Variants in HDAC9 observed in about 807,000 individuals in gnomAD.
The protein encoded by HDAC9 is MEF-2 interacting transcription repressor (MITR) protein.
In HDAC9, 41 loss-of-function variants were observed where a neutral mutation model predicts 139.4. The ratio of observed to expected loss-of-function variants is 0.29; its 90% CI spans 0.23 to 0.38. The LOEUF (loss-of-function observed/expected upper bound fraction) is 0.38, where lower values mean the gene tolerates loss of function less well. Among genes scored for constraint, HDAC9 ranks in the 10% least tolerant of loss-of-function variants. The pLI is 1.00. For missense variants in HDAC9, 1,147 were observed against 1,297.0 expected, an observed-to-expected ratio of 0.88 and a Z score of 1.78; for synonymous variants, 517 against 476.2, an observed-to-expected ratio of 1.09 and a Z score of -1.12.
intron 1 of HDAC9, among the ~76,000 whole-genome samples, chr7:18,445,687 G>A (rs1180704619): frequency 2.0e-5 from 3 of 152,270 alleles, no homozygotes; most frequent in South Asian, 4.1e-4. Context: ...CAAATGCCCC[G>A]AGGCAGAGCT....
intron 16 of HDAC9, among the ~76,000 whole-genome samples, chr7:18,785,610 A>G (rs1286631386): frequency 6.6e-6 from 1 of 152,206 alleles, no homozygotes; most frequent in Non-Finnish European, 1.5e-5. Context: ...TAGGGTTTCA[A>G]TACCGTGAAA....
At chr7:18,732,949 G>GTGTGTA (rs1562893821) in intron 13 of HDAC9, among the ~76,000 whole-genome samples, 11 of 100,224 alleles carry the variant, frequency 1.1e-4, no homozygotes, top group African/African-American at 1.9e-4. Flanking sequence ...GTATACACAC[G>GTGTGTA]TGTATGTGTG....
intron 17 of HDAC9, among the ~76,000 whole-genome samples, chr7:18,806,443 C>T (rs887855303): frequency 2.6e-5 from 4 of 152,114 alleles, no homozygotes; most frequent in Admixed American, 6.5e-5. Flanking sequence ...CTGCCCTTAG[C>T]TCCTAGAGTA....
At chr7:18,716,128 C>G (rs1041838354) in intron 12 of HDAC9, among the ~76,000 whole-genome samples, 14 of 152,200 alleles carry the variant, frequency 9.2e-5, no homozygotes, top group African/African-American at 2.9e-4. Context: ...TCCCCTCCTT[C>G]TCTTCAGGCT....
intron 12 of HDAC9, among the ~76,000 whole-genome samples, chr7:18,721,317 T>C (rs1028206637): frequency 2.0e-5 from 3 of 152,196 alleles, no homozygotes; most frequent in African/African-American, 7.2e-5. Flanking sequence ...TTTTTTCATG[T>C]ATGTCTTTAC....
At chr7:18,790,732 ATTG>A (rs1362475153) in intron 16 of HDAC9, among the ~76,000 whole-genome samples, 1 of 152,210 alleles carries the variant, frequency 6.6e-6, no homozygotes, top group Non-Finnish European at 1.5e-5. Flanking sequence ...TGAGATAAAT[ATTG>A]TTTTTGTTTA....
chr7:18,732,717 G>GTA (rs1241073796), intron 13 of HDAC9, among the ~76,000 whole-genome samples: 5 of 124,138 alleles, frequency 4.0e-5, no homozygotes, highest in Admixed American at 1.5e-4. Flanking sequence ...GTGCGTATGT[G>GTA]TACACACACA....
chr7:18,503,818 A>G (rs1586403560), intron 2 of HDAC9, among the ~76,000 whole-genome samples: 1 of 152,164 alleles, frequency 6.6e-6, no homozygotes, highest in African/African-American at 2.4e-5. Context: ...TTATTGACCC[A>G]GTTGCAGCCA....
intron 21 of HDAC9, among the ~76,000 whole-genome samples, chr7:18,864,756 G>A (rs1798365897): frequency 6.6e-6 from 1 of 152,116 alleles, no homozygotes; most frequent in Non-Finnish European, 1.5e-5. Context: ...GGGGAAATGG[G>A]AAGTTATTGA....
intron 12 of HDAC9, among the ~76,000 whole-genome samples, chr7:18,706,872 G>A (rs941841857): frequency 6.6e-6 from 1 of 152,218 alleles, no homozygotes; most frequent in African/African-American, 2.4e-5. Context: ...TGCCTTGATA[G>A]AGTTAGGTCG....
At chr7:18,486,395 C>T (rs1264247578) in intron 1 of HDAC9, among the ~76,000 whole-genome samples, 1 of 152,106 alleles carries the variant, frequency 6.6e-6, no homozygotes. Flanking sequence ...GCCCTTCCTT[C>T]AAAAGGCTTA....
At chr7:18,416,122 G>C (rs10235215) in intron 1 of HDAC9, among the ~76,000 whole-genome samples, 16,506 of 151,894 alleles carry the variant, frequency 0.11, 1,468 homozygotes, top group African/African-American at 0.24. Flanking sequence ...CATGGTGAAA[G>C]CACATCTCTA....
intron 24 of HDAC9, 49 bp downstream of exon 24, chr7:18,954,279 A>G: frequency 1.8e-6 from 2 of 1,128,440 alleles, no homozygotes; most frequent in Non-Finnish European, 2.6e-6. Context: ...AAAACTAACT[A>G]AAATTATATT....
chr7:18,625,217 T>C (rs754558612), intron 6 of HDAC9, among the ~76,000 whole-genome samples: 1 of 152,198 alleles, frequency 6.6e-6, no homozygotes, highest in African/African-American at 2.4e-5. Flanking sequence ...TATTGAAACA[T>C]TTAATATATA....
At chr7:18,868,585 G>GT (rs1386735723) in intron 21 of HDAC9, among the ~76,000 whole-genome samples, 8 of 152,046 alleles carry the variant, frequency 5.3e-5, no homozygotes, top group Non-Finnish European at 7.4e-5. Context: ...ACATACATTA[G>GT]TTTTTTTCTA....
At chr7:18,549,635 A>G (rs1191774817) in intron 2 of HDAC9, among the ~76,000 whole-genome samples, 2 of 152,196 alleles carry the variant, frequency 1.3e-5, no homozygotes, top group South Asian at 2.1e-4. Flanking sequence ...TACTATTATT[A>G]TATAAGATGT....
chr7:18,913,350 A>C (rs1287038840), intron 22 of HDAC9, among the ~76,000 whole-genome samples: 2 of 152,108 alleles, frequency 1.3e-5, no homozygotes, highest in Non-Finnish European at 2.9e-5. Flanking sequence ...GGCTGTTGTC[A>C]AAATAGAATG....
intron 1 of HDAC9, among the ~76,000 whole-genome samples, chr7:18,397,376 A>G (rs1787159129): frequency 6.6e-6 from 1 of 152,204 alleles, no homozygotes; most frequent in African/African-American, 2.4e-5. Context: ...TTACAGAAAG[A>G]AAAACATGTC....
chr7:18,982,284 C>A (rs1279467795), intron 25 of HDAC9, among the ~76,000 whole-genome samples: 2 of 152,024 alleles, frequency 1.3e-5, no homozygotes, highest in African/African-American at 4.8e-5. Context: ...CAATCAAAAA[C>A]AAAACAAAAC....
Sources: allele counts gnomAD v4.1 joint callset (sites outside exome capture counted in the v4.1 genomes callset), GRCh38; gene constraint gnomAD v4.1.1; transcripts MANE v1.5; gene names NCBI Gene and HGNC (gene_info 2026-07-23, HGNC 2026-07-21).